The following RALA variants were observed in gnomAD, a reference collection of about 807,000 sequenced individuals.
The protein encoded by RALA is RAS like proto-oncogene A.
RALA carries 5 observed loss-of-function variants against 24.0 expected under a neutral mutation model. The observed-to-expected ratio is 0.21, with a 90% CI of 0.11 to 0.44. RALA has a LOEUF of 0.44. Ranked by LOEUF, RALA falls within the 20% of genes least tolerant of loss-of-function variation. The pLI is 0.99. For synonymous variants in RALA, 77 were observed against 83.8 expected (o/e 0.92, Z 0.44); for missense variants, 95 against 241.2 (o/e 0.39, Z 4.01).
intron 1 of RALA, among the ~76,000 whole-genome samples, chr7:39,676,493 C>T (rs543179722): frequency 1.3e-5 from 2 of 152,212 alleles, no homozygotes; most frequent in Admixed American, 6.5e-5. Flanking sequence ...TTATACTTAC[C>T]GGTTCAGCAT....
chr7:39,698,935 T>C (rs1363027010), intron 4 of RALA, among the ~76,000 whole-genome samples: 1 of 152,020 alleles, frequency 6.6e-6, no homozygotes, highest in African/African-American at 2.4e-5. Context: ...GAAGTACAAC[T>C]TTAAAATATA....
At chr7:39,675,300 G>T (rs1583738394) in intron 1 of RALA, among the ~76,000 whole-genome samples, 2 of 152,226 alleles carry the variant, frequency 1.3e-5, no homozygotes, top group East Asian at 1.9e-4. Flanking sequence ...ACCACATGAG[G>T]TCACATGAGG....
chr7:39,665,782 A>G (rs562001313), intron 1 of RALA, among the ~76,000 whole-genome samples: 19 of 152,196 alleles, frequency 1.2e-4, no homozygotes, highest in Non-Finnish European at 2.4e-4. Context: ...CCTTTGTGTA[A>G]GGTCATTCTT....
intron 1 of RALA, 121 bp from the exon 2 acceptor site, chr7:39,686,510 C>T (rs1369199157): frequency 1.8e-6 from 1 of 556,930 alleles, no homozygotes; most frequent in Non-Finnish European, 3.2e-6. Flanking sequence ...CATTTGCCAT[C>T]TGTTTAAAAT....
chr7:39,667,359 AAG>A (rs1792302521), intron 1 of RALA, among the ~76,000 whole-genome samples: 1 of 152,222 alleles, frequency 6.6e-6, no homozygotes, highest in African/African-American at 2.4e-5. Context: ...AGACAGGAAA[AAG>A]AATTTACAGA....
intron 4 of RALA, among the ~76,000 whole-genome samples, chr7:39,702,707 A>T (rs1280365144): frequency 6.6e-6 from 1 of 152,242 alleles, no homozygotes; most frequent in African/African-American, 2.4e-5. Flanking sequence ...CCTGTCATTC[A>T]TGGCAATATG....
At chr7:39,669,690 C>T (rs1001529102) in intron 1 of RALA, among the ~76,000 whole-genome samples, 4 of 151,820 alleles carry the variant, frequency 2.6e-5, no homozygotes, top group Non-Finnish European at 5.9e-5. Flanking sequence ...CCTGTAGTCC[C>T]AACTACTCAG....
At chr7:39,650,861 C>A (rs996987989) in intron 1 of RALA, among the ~76,000 whole-genome samples, 1 of 152,178 alleles carries the variant, frequency 6.6e-6, no homozygotes, top group Non-Finnish European at 1.5e-5. Flanking sequence ...TCTAGAGAGT[C>A]GGCTTCGTAT....
rs1377548121 is a variant in RALA, at chr7:39,707,093, A to G, written c.*848A>G. The stretch of plus-strand genomic sequence containing the variant: ...TTAATAAACTGCAAGTTCATTTTAA[A>G]TGAAGGGCCAGCATATATACTTGCA... On this transcript the variant is annotated 3_prime_UTR_variant, in exon 5 of 5. Coordinates refer to ENST00000005257, the MANE Select transcript of RALA (RefSeq NM_005402.4). The G allele has an allele frequency of 3.3e-5, 5 of 152,786 alleles. No individual in the cohort carries two copies. The highest frequency in any genetic ancestry group is 6.5e-5 in the Admixed American group (1 of 15,300). 9.5% of individuals were successfully genotyped at this position (152,786 alleles called of 1,614,324 possible). A position where few individuals can be genotyped will look rare whatever the true frequency, so the allele number is the denominator to read the frequency against.
intron 1 of RALA, among the ~76,000 whole-genome samples, chr7:39,641,312 G>C (rs1420682177): frequency 6.6e-6 from 1 of 152,126 alleles, no homozygotes; most frequent in African/African-American, 2.4e-5. Context: ...CATTAAATCA[G>C]ACTTTACTAA....
chr7:39,686,556 G>A, intron 1 of RALA, 75 bp from the exon 2 acceptor site: 1 of 833,412 alleles, frequency 1.2e-6, no homozygotes, highest in Non-Finnish European at 2.0e-6. Flanking sequence ...TGAACTCTAA[G>A]GACATATCTC....
intron 1 of RALA, among the ~76,000 whole-genome samples, chr7:39,647,063 G>T (rs1791938193): frequency 6.6e-6 from 1 of 152,060 alleles, no homozygotes; most frequent in East Asian, 1.9e-4. Flanking sequence ...TTATTTTGGG[G>T]ACAGGGTCTC....
At position 39,706,289 on chromosome 7, in the gene RALA, A is replaced by G. The variant is rs758645563; in HGVS notation, c.*44A>G. ...TCTTATCTTGACCATACTAATAAAT[A>G]TAATTTATAAGCATTGCCATTGAAG... On this transcript the variant is annotated 3_prime_UTR_variant, in exon 5 of 5. Transcript: ENST00000005257. 5 of 1,551,014 alleles carry G rather than the reference A, an allele frequency of 3.2e-6. No individual in the cohort carries two copies. Among genetic ancestry groups the G allele is most frequent in the Admixed American group, 2.2e-5 (1 of 46,200 alleles).
intron 4 of RALA, among the ~76,000 whole-genome samples, chr7:39,705,859 G>A (rs955710627): frequency 1.3e-5 from 2 of 151,790 alleles, no homozygotes; most frequent in African/African-American, 2.4e-5. Context: ...CTTTTGTCTC[G>A]AAAACTGGAA....
intron 3 of RALA, among the ~76,000 whole-genome samples, chr7:39,695,709 T>G (rs569786611): frequency 1.2e-3 from 179 of 152,234 alleles, no homozygotes; most frequent in Admixed American, 2.3e-3. Context: ...TGGCTGTTTT[T>G]GGGGTTTTAA....
chr7:39,684,902 C>T (rs1456787803), intron 1 of RALA, among the ~76,000 whole-genome samples: 4 of 152,118 alleles, frequency 2.6e-5, no homozygotes, highest in Admixed American at 2.6e-4. Flanking sequence ...AATGCTTTTG[C>T]ACTAAATGGC....
chr7:39,641,582 G>T (rs930487736), intron 1 of RALA, among the ~76,000 whole-genome samples: 2 of 152,132 alleles, frequency 1.3e-5, no homozygotes, highest in Non-Finnish European at 2.9e-5. Context: ...TTATTGGTTT[G>T]CTTCCCCTCT....
At chr7:39,660,834 A>T (rs959842781) in intron 1 of RALA, among the ~76,000 whole-genome samples, 1 of 152,238 alleles carries the variant, frequency 6.6e-6, no homozygotes, top group Admixed American at 6.5e-5. Context: ...CTAGTTTATT[A>T]TTTACTATCA....
chr7:39,650,897 C>T (rs1352179282), intron 1 of RALA, among the ~76,000 whole-genome samples: 1 of 152,138 alleles, frequency 6.6e-6, no homozygotes, highest in African/African-American at 2.4e-5. Flanking sequence ...TGGCAGGAGG[C>T]TTCAGTTCCT....
Sources: allele counts gnomAD v4.1 joint callset (sites outside exome capture counted in the v4.1 genomes callset), GRCh38; gene constraint gnomAD v4.1.1; transcripts MANE v1.5; gene names NCBI Gene and HGNC (gene_info 2026-07-23, HGNC 2026-07-21).